OGDHL: variants seen among roughly 807,000 people sequenced by gnomAD.
OGDHL encodes 2-oxoglutarate dehydrogenase-like, mitochondrial.
OGDHL carries 79 observed loss-of-function variants against 109.6 expected under a neutral mutation model. The observed-to-expected ratio is 0.72, with a 90% confidence interval of 0.60 to 0.87. OGDHL has a LOEUF of 0.87. Ranked by LOEUF, OGDHL falls within the 40% of genes least tolerant of loss-of-function variation. The probability of loss-of-function intolerance (pLI) is 0.00; values close to 1 mark genes in which losing one functional copy is unlikely to be tolerated. For synonymous variants in OGDHL, 528 were observed against 537.2 expected, an observed-to-expected ratio of 0.98 and a Z score of 0.24; for missense variants, 1,275 against 1,362.2, an observed-to-expected ratio of 0.94 and a Z score of 1.01.
chr10:49,761,183 A>ACC (rs975612879), intron 1 of OGDHL, among the ~76,000 whole-genome samples: 3 of 151,812 alleles, frequency 2.0e-5, no homozygotes, highest in African/African-American at 7.2e-5. Context: ...GCCCTGTGCA[A>ACC]CCCCCTGCCC....
intron 17 of OGDHL, 50 bp downstream of exon 17, chr10:49,739,611 C>T (rs772494152): frequency 4.4e-6 from 7 of 1,587,932 alleles, no homozygotes; most frequent in Non-Finnish European, 8.6e-7. Flanking sequence ...CCCGCCCCTT[C>T]AAGGCCCGCC....
intron 7 of OGDHL, among the ~76,000 whole-genome samples, 168 bp from the exon 8 acceptor site, chr10:49,749,984 G>C (rs1289106455): frequency 6.6e-6 from 1 of 152,040 alleles, no homozygotes; most frequent in African/African-American, 2.4e-5. Flanking sequence ...GTAATGGCCC[G>C]AGGCTTAAAG....
At chr10:49,752,542 T>G in intron 4 of OGDHL, 96 bp downstream of exon 4, 1 of 1,073,006 alleles carries the variant, frequency 9.3e-7, no homozygotes, top group Admixed American at 1.7e-5. Flanking sequence ...CCGAGCTCCA[T>G]GGATTCCCAA....
intron 3 of OGDHL, 53 bp downstream of exon 3, chr10:49,756,723 C>T (rs2133096002): frequency 6.5e-7 from 1 of 1,536,284 alleles, no homozygotes; most frequent in South Asian, 1.2e-5. Context: ...AGTGCCTGGC[C>T]ACACCCCAGG....
chr10:49,760,112 A>G (rs1843178840), intron 1 of OGDHL, among the ~76,000 whole-genome samples: 1 of 152,176 alleles, frequency 6.6e-6, no homozygotes, highest in African/African-American at 2.4e-5. Context: ...TGTCACCTCA[A>G]TGGAGGGAGG....
intron 15 of OGDHL, among the ~76,000 whole-genome samples, chr10:49,741,980 CACA>C (rs755811053): frequency 1.9e-4 from 27 of 140,750 alleles, no homozygotes; most frequent in Admixed American, 3.6e-4. Context: ...ACTACACACA[CACA>C]ACCACACACA....
At chr10:49,756,979 T>A (rs1055903187) in intron 2 of OGDHL, 33 bp from the exon 3 acceptor site, 2 of 1,597,092 alleles carry the variant, frequency 1.3e-6, no homozygotes, top group African/African-American at 1.3e-5. Flanking sequence ...CGCAGCCAGG[T>A]CAGGGCCTGG....
intron 7 of OGDHL, 118 bp downstream of exon 7, chr10:49,750,721 C>T: frequency 2.2e-6 from 3 of 1,358,038 alleles, no homozygotes; most frequent in South Asian, 3.2e-5. Context: ...TTCCAGGAAA[C>T]CCACCTCTAC....
chr10:49,747,089 A>G lies in OGDHL; in HGVS notation c.1107T>C (p.Pro369=). Reference sequence around the variant, plus strand: ...CTGCCTTTGTCTTCCCCTGCACCACAGGGTCCACTGCCTCCAGGTGGGAGG... The same window carrying G: ...CTGCCTTTGTCTTCCCCTGCACCACGGGGTCCACTGCCTCCAGGTGGGAGG... The part of the protein sequence containing the change: ...ANPSHLEAVD[P]VVQGKTKAEQ... Residue 369 remains proline (P), a synonymous_variant, in exon 9 of 23, where the codon CCT becomes CCC. Transcript: ENST00000374103. 6.2e-7 allele frequency: 1 copy of G among 1,614,146 alleles called. No individual in the cohort carries two copies.
rs990448965 is a variant in OGDHL at position 49,735,432 on chromosome 10, G to C, written c.2910-81C>G. 11 of 1,522,396 alleles carry C rather than the reference G, an allele frequency of 7.2e-6. No homozygotes were observed. In the African/African-American group the frequency reaches 1.4e-4, roughly 19 times the overall value. The allele number at this position is 1,522,396 out of a possible 1,614,324, so 94.3% of individuals were successfully genotyped here. On this transcript the variant is annotated intron_variant, in intron 22 of 22. Coordinates refer to ENST00000374103, the MANE Select transcript of OGDHL (RefSeq NM_018245.3). ...CTGCCCTCACTCCGGGACTGCAGGGGGCACGCATCTGAGAACCGCTGACCT... is the reference window on the plus strand; with the variant it reads ...CTGCCCTCACTCCGGGACTGCAGGGCGCACGCATCTGAGAACCGCTGACCT...
intron 2 of OGDHL, among the ~76,000 whole-genome samples, chr10:49,758,029 T>A (rs904693865): frequency 2.6e-5 from 4 of 152,222 alleles, no homozygotes; most frequent in African/African-American, 9.6e-5. Context: ...TCTAATTTAA[T>A]TTTTTTCTTT....
At chr10:49,743,264 A>G (rs1841928224) in intron 14 of OGDHL, among the ~76,000 whole-genome samples, 1 of 152,258 alleles carries the variant, frequency 6.6e-6, no homozygotes, top group Non-Finnish European at 1.5e-5. Context: ...ACAGCTGTCA[A>G]GGTACACGGA....
chr10:49,736,577 T>A (rs997627372), intron 20 of OGDHL, 57 bp from the exon 21 acceptor site: 1 of 1,567,420 alleles, frequency 6.4e-7, no homozygotes, highest in African/African-American at 1.4e-5. Flanking sequence ...CTGGGGCAGC[T>A]CAGGACCAGG....
In OGDHL at chr10:49,739,665, C is replaced by T; in HGVS notation, c.2315G>A (p.Gly772Asp). The T allele has an allele frequency of 6.2e-7, 1 of 1,613,034 alleles. No homozygotes were observed. The highest frequency in any genetic ancestry group is 8.5e-7 in the Non-Finnish European group (1 of 1,179,388). Residue 772 changes from glycine (G) to aspartate (D), a missense_variant, in exon 17 of 23, where the codon GGC (glycine) becomes GAC (aspartate). Gly to Asp is a moderately conservative substitution (Grantham distance 94, BLOSUM62 -1). Transcript: ENST00000374103. ...IVLLLPHGME[G>D]MGPEHSSARP... ...AGCCACCACCGCAGCCCTCACCATG[C>T]CTTCCATGCCATGGGGCAGCAGCAG...
intron 8 of OGDHL, 70 bp downstream of exon 8, chr10:49,749,656 A>C (rs557967672): frequency 6.8e-5 from 91 of 1,342,474 alleles, no homozygotes; most frequent in Non-Finnish European, 8.7e-5. Context: ...CTCCCGGCTC[A>C]GCCCCTCCAC....
At chr10:49,762,099 CT>C in intron 1 of OGDHL, 139 bp downstream of exon 1, 1 of 153,792 alleles carries the variant, frequency 6.5e-6, no homozygotes, top group Non-Finnish European at 1.4e-5. Flanking sequence ...CCTCCTCCCC[CT>C]CCCCCCGGCG....
Position 49,739,722 on chromosome 10 carries a change from T to C in OGDHL, c.2258A>G (p.Gln753Arg). Residue 753 changes from glutamine to arginine, a missense_variant, in exon 17 of 23, where the codon CAG (glutamine) becomes CGG (arginine). By Grantham distance (43) the Gln-to-Arg change is conservative. Coordinates refer to ENST00000374103, the MANE Select transcript of OGDHL (RefSeq NM_018245.3). ...GCCATTATGCCGCACCCACTTGGCC[T>C]GGCCGGTGCTGATGAACTGGTCGAT... ...CIIDQFISTGQAKWVRHNGIV... is the reference protein window; with the variant it reads ...CIIDQFISTGRAKWVRHNGIV... The C allele has an allele frequency of 1.2e-6, 2 of 1,614,128 alleles. No homozygotes were observed. Among genetic ancestry groups the C allele is most frequent in the Non-Finnish European group, 1.7e-6 (2 of 1,179,982 alleles).
intron 15 of OGDHL, among the ~76,000 whole-genome samples, chr10:49,741,483 G>A (rs1167526331): frequency 3.3e-5 from 5 of 152,080 alleles, no homozygotes; most frequent in Non-Finnish European, 7.4e-5. Flanking sequence ...ACCCTGGCTT[G>A]CTAACCAGGA....
At position 49,736,506 on chromosome 10, in the gene OGDHL, G is replaced by A. The variant is rs375570156; in HGVS notation, c.2605C>T (p.Arg869Trp). The A allele has an allele frequency of 9.3e-6, 15 of 1,613,130 alleles. No individual in the cohort carries two copies. The highest frequency in any genetic ancestry group is 2.2e-5 in the East Asian group (1 of 44,864). ...GCGGCCCCATCTTCAGGAATCACCCGCTGGAAGCTGGTCCCTGAGGGACCA... is the reference window on the plus strand; with the variant it reads ...GCGGCCCCATCTTCAGGAATCACCCACTGGAAGCTGGTCCCTGAGGGACCA... Reference protein sequence around the residue: ...DQMVSGTSFQRVIPEDGAAAR... With the variant: ...DQMVSGTSFQWVIPEDGAAAR... Residue 869 changes from arginine to tryptophan, a missense_variant, in exon 21 of 23, where the codon CGG becomes TGG. Transcript: ENST00000374103.
Sources: gnomAD v4.1 joint callset for allele counts (sites outside exome capture counted in the v4.1 genomes callset) on GRCh38, gnomAD v4.1.1 for gene constraint, MANE v1.5 for transcripts, NCBI Gene and HGNC (gene_info 2026-07-23, HGNC 2026-07-21) for gene names.